The following NMNAT2 variants were observed in gnomAD, a reference collection of about 807,000 sequenced individuals.
NMNAT2 encodes nicotinamide/nicotinic acid mononucleotide adenylyltransferase 2.
In NMNAT2, 11 loss-of-function variants were observed where a neutral mutation model predicts 41.6. The observed-to-expected ratio is 0.26, with a 90% CI of 0.17 to 0.44. The LOEUF (loss-of-function observed/expected upper bound fraction) is 0.44. Among genes scored for constraint, NMNAT2 ranks in the 20% least tolerant of loss-of-function variants. NMNAT2 has a pLI of 1.00. For missense variants in NMNAT2, 288 were observed against 407.7 expected (o/e 0.71, Z 2.53); for synonymous variants, 148 against 151.2 (o/e 0.98, Z 0.16).
chr1:183,389,494 G>T (rs898205534), intron 1 of NMNAT2, among the ~76,000 whole-genome samples: 19 of 151,678 alleles, frequency 1.3e-4, no homozygotes, highest in African/African-American at 3.9e-4. Flanking sequence ...ATAAATGTGG[G>T]GATAAAACCA....
At chr1:183,301,831 T>G (rs1176965905) in intron 1 of NMNAT2, among the ~76,000 whole-genome samples, 1 of 152,242 alleles carries the variant, frequency 6.6e-6, no homozygotes, top group Non-Finnish European at 1.5e-5. Flanking sequence ...AATCTACTCC[T>G]TCCTTCTAGG....
chr1:183,360,954 A>G (rs890807367), intron 1 of NMNAT2, among the ~76,000 whole-genome samples: 4 of 152,214 alleles, frequency 2.6e-5, no homozygotes, highest in African/African-American at 9.6e-5. Flanking sequence ...TATTTACCCT[A>G]GCTCTCCACC....
At chr1:183,377,318 C>T (rs1455402554) in intron 1 of NMNAT2, among the ~76,000 whole-genome samples, 2 of 151,984 alleles carry the variant, frequency 1.3e-5, no homozygotes, top group Non-Finnish European at 2.9e-5. Flanking sequence ...TCCCCATACC[C>T]ACCACCTCCA....
intron 1 of NMNAT2, among the ~76,000 whole-genome samples, chr1:183,359,940 G>T (rs1663270109): frequency 1.3e-5 from 2 of 152,076 alleles, no homozygotes; most frequent in African/African-American, 2.4e-5. Flanking sequence ...CTTGATGTTG[G>T]CTCCTAGCAT....
intron 1 of NMNAT2, among the ~76,000 whole-genome samples, chr1:183,374,361 G>A (rs768369592): frequency 2.0e-5 from 3 of 152,156 alleles, no homozygotes; most frequent in Non-Finnish European, 4.4e-5. Context: ...TCAAGAGGCC[G>A]CTGGCCTCAG....
At chr1:183,314,950 G>A (rs908263751) in intron 1 of NMNAT2, among the ~76,000 whole-genome samples, 7 of 152,126 alleles carry the variant, frequency 4.6e-5, no homozygotes, top group African/African-American at 1.7e-4. Flanking sequence ...CAGCCTAAAG[G>A]TAAATTGCTC....
intron 1 of NMNAT2, among the ~76,000 whole-genome samples, chr1:183,413,602 C>CTTTTTTTTTTTTTTT (rs71130613): frequency 1.2e-5 from 1 of 82,532 alleles, no homozygotes; most frequent in African/African-American, 4.7e-5. Flanking sequence ...TCTTTTCTTT[C>CTTTTTTTTTTTTTTT]TTTTTTTTTT....
intron 1 of NMNAT2, among the ~76,000 whole-genome samples, chr1:183,297,679 C>T (rs6672163): frequency 0.55 from 83,723 of 151,970 alleles, 24,392 homozygotes; most frequent in Non-Finnish European, 0.64. Flanking sequence ...CCATGCCCGG[C>T]CTAGGAAAGA....
At chr1:183,387,477 A>G (rs1557896866) in intron 1 of NMNAT2, among the ~76,000 whole-genome samples, 1 of 152,206 alleles carries the variant, frequency 6.6e-6, no homozygotes, top group Non-Finnish European at 1.5e-5. Context: ...ATCCTTAAAA[A>G]TCCACAATAG....
At chr1:183,355,978 C>G (rs191717790) in intron 1 of NMNAT2, among the ~76,000 whole-genome samples, 25 of 152,338 alleles carry the variant, frequency 1.6e-4, no homozygotes, top group Non-Finnish European at 2.4e-4. Flanking sequence ...GCCTCCTGCT[C>G]AAAAGCCAGA....
intron 10 of NMNAT2, 61 bp from the exon 11 acceptor site, chr1:183,252,804 G>T: frequency 8.1e-7 from 1 of 1,228,132 alleles, no homozygotes; most frequent in Non-Finnish European, 1.2e-6. Flanking sequence ...CAGGAGGACT[G>T]GCATGCCCCT....
chr1:183,369,990 G>A (rs987940568), intron 1 of NMNAT2, among the ~76,000 whole-genome samples: 2 of 151,974 alleles, frequency 1.3e-5, no homozygotes, highest in African/African-American at 4.8e-5. Flanking sequence ...ATCTGGCTCT[G>A]GAGCCCGCTA....
intron 1 of NMNAT2, among the ~76,000 whole-genome samples, chr1:183,311,202 A>G (rs1571590682): frequency 6.6e-6 from 1 of 152,144 alleles, no homozygotes; most frequent in Non-Finnish European, 1.5e-5. Flanking sequence ...ATTCACCCTG[A>G]CCTGACAGAA....
At chr1:183,287,335 G>A (rs765413264) in intron 4 of NMNAT2, among the ~76,000 whole-genome samples, 11 of 152,138 alleles carry the variant, frequency 7.2e-5, no homozygotes, top group Non-Finnish European at 1.6e-4. Flanking sequence ...CACCACCTGC[G>A]GCCTCTTTGG....
chr1:183,294,811 A>AAACAG (rs1661641209), intron 1 of NMNAT2, among the ~76,000 whole-genome samples: 2 of 152,078 alleles, frequency 1.3e-5, no homozygotes, highest in Admixed American at 6.5e-5. Flanking sequence ...AAACAAAACA[A>AAACAG]AAATTGTCAA....
intron 8 of NMNAT2, among the ~76,000 whole-genome samples, chr1:183,269,037 G>A (rs12025431): frequency 1.3e-5 from 2 of 152,134 alleles, no homozygotes; most frequent in Non-Finnish European, 1.5e-5. Flanking sequence ...GCCACTGCAC[G>A]CTAGCCTGGG....
intron 1 of NMNAT2, among the ~76,000 whole-genome samples, chr1:183,353,314 A>G (rs1663105942): frequency 6.6e-6 from 1 of 152,154 alleles, no homozygotes; most frequent in East Asian, 1.9e-4. Flanking sequence ...CCCTGAATAC[A>G]ACCTCTTAAA....
chr1:183,327,440 T>C (rs1662493250), intron 1 of NMNAT2, among the ~76,000 whole-genome samples: 1 of 152,196 alleles, frequency 6.6e-6, no homozygotes, highest in South Asian at 2.1e-4. Flanking sequence ...TATGAAGATG[T>C]GTTGGCTCAA....
At chr1:183,370,995 C>G (rs1029313532) in intron 1 of NMNAT2, among the ~76,000 whole-genome samples, 2 of 152,052 alleles carry the variant, frequency 1.3e-5, no homozygotes, top group South Asian at 4.1e-4. Context: ...CCACGGTGCG[C>G]CGCATGTTTT....
Sources: gnomAD v4.1 joint callset for allele counts (sites outside exome capture counted in the v4.1 genomes callset) on GRCh38, gnomAD v4.1.1 for gene constraint, MANE v1.5 for transcripts, NCBI Gene and HGNC (gene_info 2026-07-23, HGNC 2026-07-21) for gene names.